Variants in ORC1 observed in about 807,000 individuals in gnomAD.
ORC1 encodes origin recognition complex subunit 1, also known as origin recognition complex, subunit 1 homolog.
ORC1 carries 61 observed loss-of-function variants against 98.9 expected under a neutral mutation model. That is an observed-to-expected ratio of 0.62 (90% CI 0.50 to 0.76). The LOEUF is 0.76. Ranked by LOEUF, ORC1 falls within the 30% of genes least tolerant of loss-of-function variation. ORC1 has a pLI of 0.00. For missense variants in ORC1, 979 were observed against 1,072.2 expected, an observed-to-expected ratio of 0.91 and a Z score of 1.21; for synonymous variants, 385 against 406.9, an observed-to-expected ratio of 0.95 and a Z score of 0.65.
intron 5 of ORC1, among the ~76,000 whole-genome samples, chr1:52,395,532 G>A (rs1264871733): frequency 3.3e-5 from 5 of 152,190 alleles, no homozygotes; most frequent in Non-Finnish European, 7.3e-5. Flanking sequence ...AACTTTGATA[G>A]TTGGGCATGG....
chr1:52,402,651 A>C (rs1647770628), intron 1 of ORC1, among the ~76,000 whole-genome samples: 1 of 152,228 alleles, frequency 6.6e-6, no homozygotes, highest in Admixed American at 6.5e-5. Context: ...AGAAATACAA[A>C]GGCTGGGCGC....
intron 5 of ORC1, among the ~76,000 whole-genome samples, chr1:52,394,974 A>C (rs995576420): frequency 6.6e-6 from 1 of 152,196 alleles, no homozygotes; most frequent in Non-Finnish European, 1.5e-5. Context: ...TGAAGGTGAT[A>C]TTACAGATTA....
intron 4 of ORC1, among the ~76,000 whole-genome samples, chr1:52,397,289 C>A (rs1397984831): frequency 1.3e-5 from 2 of 152,168 alleles, no homozygotes; most frequent in Non-Finnish European, 2.9e-5. Context: ...ATTAAGAAAT[C>A]CTGTCATACA....
intron 7 of ORC1, 66 bp from the exon 8 acceptor site, chr1:52,388,703 A>G (rs1647175804): frequency 1.5e-6 from 2 of 1,369,648 alleles, no homozygotes. Flanking sequence ...ACTCTATAAC[A>G]TTAGTGTGGA....
At chr1:52,382,785 G>C (rs566477185) in intron 13 of ORC1, among the ~76,000 whole-genome samples, 1 of 151,702 alleles carries the variant, frequency 6.6e-6, no homozygotes, top group African/African-American at 2.4e-5. Context: ...TCTCCATGTT[G>C]GTCAGGCTGG....
chr1:52,378,743 G>C (rs1016274717), intron 14 of ORC1, among the ~76,000 whole-genome samples: 6 of 151,630 alleles, frequency 4.0e-5, no homozygotes, highest in Admixed American at 1.3e-4. Flanking sequence ...ATATAATTTT[G>C]CAAGTTAGTG....
chr1:52,406,837 A>G (rs1158824897), upstream of ORC1, among the ~76,000 whole-genome samples: 1 of 152,186 alleles, frequency 6.6e-6, no homozygotes, highest in African/African-American at 2.4e-5. Context: ...AAACTGAGGC[A>G]CAGAGATTAA....
At chr1:52,392,192 C>T (rs938678537) in intron 6 of ORC1, among the ~76,000 whole-genome samples, 1 of 151,028 alleles carries the variant, frequency 6.6e-6, no homozygotes, top group Admixed American at 6.6e-5. Flanking sequence ...TGCAGTGGCG[C>T]GACCTCCGCT....
chr1:52,407,971 G>A (rs997603800), upstream of ORC1, among the ~76,000 whole-genome samples: 10 of 152,222 alleles, frequency 6.6e-5, no homozygotes, highest in Admixed American at 1.3e-4. Flanking sequence ...CAGGAGAATC[G>A]CTTGAACCCA....
chr1:52,399,548 C>T (rs1647594314), intron 3 of ORC1, among the ~76,000 whole-genome samples: 1 of 148,998 alleles, frequency 6.7e-6, no homozygotes, highest in South Asian at 2.1e-4. Context: ...GGCTTGAACC[C>T]GGGAGGCAGA....
chr1:52,396,583 T>TAA (rs1411606693), intron 4 of ORC1, among the ~76,000 whole-genome samples: 3 of 152,208 alleles, frequency 2.0e-5, no homozygotes, highest in Non-Finnish European at 4.4e-5. Context: ...ATTAATCACT[T>TAA]TAAAGACATC....
chr1:52,380,471 G>A (rs1381619624), intron 14 of ORC1, among the ~76,000 whole-genome samples: 1 of 152,214 alleles, frequency 6.6e-6, no homozygotes, highest in Non-Finnish European at 1.5e-5. Flanking sequence ...CAAGGTGGGT[G>A]GATCACCTGA....
At chr1:52,385,769 C>A in intron 9 of ORC1, 83 bp downstream of exon 9, 1 of 877,728 alleles carries the variant, frequency 1.1e-6, no homozygotes, top group South Asian at 1.4e-5. Context: ...ATTAGGTAGA[C>A]CAGTGACTGC....
intron 3 of ORC1, among the ~76,000 whole-genome samples, chr1:52,400,209 ACG>A (rs1174271382): frequency 2.0e-5 from 3 of 152,190 alleles, no homozygotes; most frequent in Non-Finnish European, 4.4e-5. Flanking sequence ...TGCTGAGGGT[ACG>A]CGCCAAGACC....
At chr1:52,389,130 T>G (rs1647179051) in intron 7 of ORC1, 87 bp downstream of exon 7, 1 of 982,368 alleles carries the variant, frequency 1.0e-6, no homozygotes, top group Non-Finnish European at 1.6e-6. Context: ...GATTGGCAAA[T>G]AAACAGTATA....
Position 52,373,231 on chromosome 1 carries a change from G to T in ORC1, c.2536C>A (p.Arg846=). 2 of 1,614,174 alleles carry T rather than the reference G, an allele frequency of 1.2e-6. No homozygotes were observed. Among genetic ancestry groups the T allele is most frequent in the Non-Finnish European group, 1.7e-6 (2 of 1,180,020 alleles). The change falls in exon 17 of 17, where the codon CGG becomes AGG. Residue 846 remains arginine, a synonymous_variant. Coordinates refer to ENST00000371568, the MANE Select transcript of ORC1 (RefSeq NM_004153.4). ...PSRNDLLLRV[R]LNVSQDDVLY... ...ACATCATCCTGGCTGACGTTGAGCC[G>T]CACCCGAAGGAGCAGATCGTTCCTG...
In ORC1 at chr1:52,376,241, G is replaced by A. The variant is rs115336282; in HGVS notation, c.2134-642C>T. 3.9e-3 allele frequency among the ~76,000 whole-genome samples: 588 copies of A among 152,196 alleles called. 3 individuals are homozygous for A. The highest frequency in any genetic ancestry group is 0.014 in the African/African-American group (561 of 41,520). On this transcript the variant is annotated intron_variant, in intron 14 of 16. Coordinates refer to ENST00000371568, the MANE Select transcript of ORC1 (RefSeq NM_004153.4). ...ACAAAAATTAGCCAGGGTCTGGGGC[G>A]CGGTGGGTCACACCTGTAATCCTAG...
In ORC1 at chr1:52,401,109, G is replaced by A. The variant is rs117546755; in HGVS notation, c.223+253C>T. On this transcript the variant is annotated intron_variant, in intron 3 of 16. Transcript: ENST00000371568. ...CATTCTCTCCATCCCCCCCAATTCT[G>A]CCTTAATAGCCTTGCTTACTCCCCA... Among the ~76,000 whole-genome samples, 39 of 147,012 alleles carry A rather than the reference G, an allele frequency of 2.7e-4. No individual in the cohort carries two copies. The East Asian group carries it at 7.4e-3, about 28-fold the overall frequency.
In ORC1 at chr1:52,383,317, G is replaced by A. The variant is rs1647096708; in HGVS notation, c.2013+103C>T. The A allele has an allele frequency of 2.1e-6, 3 of 1,396,444 alleles. No homozygotes were observed. The Admixed American group carries it at 5.1e-5, about 24-fold the overall frequency. 86.5% of individuals were successfully genotyped at this position (1,396,444 alleles called of 1,614,324 possible). A position where few individuals can be genotyped will look rare whatever the true frequency, so the allele number is the denominator to read the frequency against. On this transcript the variant is annotated intron_variant, in intron 13 of 16. Transcript: ENST00000371568. The stretch of plus-strand genomic sequence containing the variant: ...GCCCGCCTTGGCCTCCCAAAGTGCG[G>A]GGTTTACAGGCGTGAGCCACCACAC...
Sources: gnomAD v4.1 joint callset for allele counts (sites outside exome capture counted in the v4.1 genomes callset) on GRCh38, gnomAD v4.1.1 for gene constraint, MANE v1.5 for transcripts, NCBI Gene and HGNC (gene_info 2026-07-23, HGNC 2026-07-21) for gene names.